The following EXPH5 variants were observed in gnomAD, a reference collection of about 807,000 sequenced individuals.
EXPH5 encodes exophilin-5.
A neutral mutation model predicts 41.1 loss-of-function variants in EXPH5; 42 were observed. The ratio of observed to expected loss-of-function variants is 1.02; its 90% CI spans 0.80 to 1.32. EXPH5 has a LOEUF of 1.32. EXPH5 is among the 40% of genes most tolerant of loss of function. The probability of loss-of-function intolerance (pLI) is 0.00; values close to 1 mark genes in which losing one functional copy is unlikely to be tolerated. For synonymous variants in EXPH5, 798 were observed against 833.5 expected (o/e 0.96, Z 0.73); for missense variants, 2,298 against 2,314.5 (o/e 0.99, Z 0.15).
At chr11:108,532,808 A>T (rs1013665703) in intron 3 of EXPH5, among the ~76,000 whole-genome samples, 1 of 152,098 alleles carries the variant, frequency 6.6e-6, no homozygotes, top group East Asian at 1.9e-4. Flanking sequence ...CTTTGCCTGG[A>T]TGACTATCTC....
At chr11:108,575,628 T>C (rs927121710) in intron 1 of EXPH5, among the ~76,000 whole-genome samples, 1 of 152,242 alleles carries the variant, frequency 6.6e-6, no homozygotes, top group Non-Finnish European at 1.5e-5. Flanking sequence ...ATTTTTATGT[T>C]ATGATGTTCA....
chr11:108,587,110 A>ATTTTC (rs915864830), intron 1 of EXPH5, among the ~76,000 whole-genome samples: 1 of 124,114 alleles, frequency 8.1e-6, no homozygotes, highest in Non-Finnish European at 1.9e-5. Context: ...GAAGGAAAGC[A>ATTTTC]TTTTCTTTTC....
At chr11:108,562,370 T>C (rs2094016503) in intron 1 of EXPH5, among the ~76,000 whole-genome samples, 1 of 147,704 alleles carries the variant, frequency 6.8e-6, no homozygotes, top group African/African-American at 2.5e-5. Context: ...AGGTGGTGGA[T>C]CACTTGAGGT....
In EXPH5 at chr11:108,551,299, C is replaced by T. The variant is rs147318465; in HGVS notation, c.120-9487G>A. ...TGATACAAACTTACAGTGACTTTTG[C>T]CAATTAAACAGGCAGTAATGAGAAT... On this transcript the variant is annotated intron_variant, in intron 1 of 5. Transcript: ENST00000265843. Among the ~76,000 whole-genome samples the T allele has an allele frequency of 6.2e-4, 95 of 152,232 alleles. 2 individuals carry two copies. The South Asian group carries it at 0.011, about 18-fold the overall frequency.
rs552820124 is a variant in EXPH5, at chr11:108,559,644, T to A, written c.120-17832A>T. On this transcript the variant is annotated intron_variant, in intron 1 of 5. Transcript: ENST00000265843. Reference sequence around the variant, plus strand: ...ATAGAATGGTACACATGAATATGCATCTCTCCTTCATTTTCATTAATAAGA... The same window carrying A: ...ATAGAATGGTACACATGAATATGCAACTCTCCTTCATTTTCATTAATAAGA... 1.2e-4 allele frequency among the ~76,000 whole-genome samples: 18 copies of A among 152,342 alleles called. 1 individual carries two copies. The South Asian group carries it at 3.1e-3, about 26-fold the overall frequency.
chr11:108,534,420 G>A (rs1244494699), intron 3 of EXPH5, among the ~76,000 whole-genome samples: 1 of 152,182 alleles, frequency 6.6e-6, no homozygotes, highest in African/African-American at 2.4e-5. Flanking sequence ...AGGCCCGTGT[G>A]TTGTGGCCTC....
chr11:108,569,038 C>A (rs1400023356), intron 1 of EXPH5, among the ~76,000 whole-genome samples: 1 of 152,128 alleles, frequency 6.6e-6, no homozygotes, highest in African/African-American at 2.4e-5. Context: ...GCCACCCCAG[C>A]TCACTCTTTT....
chr11:108,588,044 C>T lies in EXPH5; in HGVS notation c.119+5374G>A, dbSNP rs185258172. On this transcript the variant is annotated intron_variant, in intron 1 of 5. Coordinates refer to ENST00000265843, the MANE Select transcript of EXPH5 (RefSeq NM_015065.3). ...CTGGGATTACAGGCGTGAGCCACAG[C>T]ACCTGGCCCTATTTTTAATAACATA... Among the ~76,000 whole-genome samples the T allele has an allele frequency of 4.4e-3, 666 of 152,290 alleles. 1 individual carries two copies. The highest frequency in any genetic ancestry group is 8.0e-3 in the Non-Finnish European group (544 of 68,034).
chr11:108,512,737 TTTC>T lies in EXPH5; in HGVS notation c.2767_2769del (p.Glu923del). 1 of 1,613,774 alleles carries T rather than the reference TTTC, an allele frequency of 6.2e-7. No homozygotes were observed. The highest frequency in any genetic ancestry group is 1.1e-5 in the South Asian group (1 of 90,948). On this transcript the variant is annotated inframe_deletion, in exon 6 of 6. Transcript: ENST00000265843. ...TTTTGGTTCTTCCCAGCATTGTCTTTTTCTTCTCTTTCTCCTAGCGATGGATCT... is the reference window on the plus strand; with the variant it reads ...TTTTGGTTCTTCCCAGCATTGTCTTTTTCTCTTTCTCCTAGCGATGGATCT...
rs1288505708 is a variant in EXPH5 at position 108,566,905 on chromosome 11, T to G, written c.120-25093A>C. 2.6e-5 allele frequency among the ~76,000 whole-genome samples: 4 copies of G among 152,244 alleles called. No individual in the cohort carries two copies. In the East Asian group the frequency reaches 7.7e-4, roughly 29 times the overall value. ...AACACAGATAGCACCAACACACCAC[T>G]GCGTTGTCACTCCCTGACACAACCT... On this transcript the variant is annotated intron_variant, in intron 1 of 5. Transcript: ENST00000265843.
Position 108,575,488 on chromosome 11 carries a change from C to A in EXPH5, c.119+17930G>T, listed in dbSNP as rs115262933. ...TGTTACTTAATGTAGCAATAAGAAA[C>A]AAATAGAATAAGAAAACACTAAAGT... On this transcript the variant is annotated intron_variant, in intron 1 of 5. Transcript: ENST00000265843. 8.1e-3 allele frequency among the ~76,000 whole-genome samples: 1,239 copies of A among 152,118 alleles called. 16 individuals are homozygous for A. The highest frequency in any genetic ancestry group is 0.028 in the African/African-American group (1,163 of 41,482).
intron 1 of EXPH5, among the ~76,000 whole-genome samples, chr11:108,561,855 G>T (rs2094013056): frequency 6.6e-6 from 1 of 152,202 alleles, no homozygotes; most frequent in Non-Finnish European, 1.5e-5. Context: ...ATGGGGCAGA[G>T]AGGAAACTTG....
intron 1 of EXPH5, among the ~76,000 whole-genome samples, chr11:108,580,962 A>G (rs571827170): frequency 4.6e-5 from 7 of 152,268 alleles, no homozygotes; most frequent in Non-Finnish European, 1.0e-4. Context: ...GCTAGAGAGG[A>G]GGAATAAGTT....
rs551605801 is a variant in EXPH5 at position 108,568,231 on chromosome 11, A to G, written c.119+25187T>C. ...TTGGCCTTAATTATTTTTGCTTAGA[A>G]TAGGAGAGATAAAGCTCCTGACTGA... is the stretch of plus-strand genomic sequence containing the variant. On this transcript the variant is annotated intron_variant, in intron 1 of 5. Transcript: ENST00000265843. 11 of 151,856 alleles carry G rather than the reference A, an allele frequency of 7.2e-5. No homozygotes were observed. In the East Asian group the frequency reaches 2.1e-3, roughly 29 times the overall value. 9.4% of individuals were successfully genotyped at this position (151,856 alleles called of 1,614,324 possible). A position where few individuals can be genotyped will look rare whatever the true frequency, so the allele number is the denominator to read the frequency against.
rs1024384240 is a variant in EXPH5 at position 108,593,530 on chromosome 11, T to C, written c.7A>G (p.Lys3Glu). The C allele has an allele frequency of 1.2e-6, 2 of 1,614,222 alleles. No individual in the cohort carries two copies. Among genetic ancestry groups the C allele is most frequent in the Non-Finnish European group, 1.7e-6 (2 of 1,180,030 alleles). The change falls in exon 1 of 6, where the codon AAA becomes GAA. Residue 3 changes from lysine to glutamate, a missense_variant. Physicochemically the swap from Lys to Glu is moderately conservative, Grantham distance 56. Transcript: ENST00000265843. MTKVPPAFDFSFL... is the reference protein window; with the variant it reads MTEVPPAFDFSFL... ...CTGAAATCAAACGCCGGAGGAACTT[T>C]CGTCATTTTCTTTACTGTGTGTGAG... is the stretch of plus-strand genomic sequence containing the variant.
the EXPH5 span, among the ~76,000 whole-genome samples, chr11:108,602,650 G>A: frequency 1.2e-4 from 18 of 151,954 alleles, no homozygotes; most frequent in South Asian, 2.9e-3. Flanking sequence ...GGGCTCAAGC[G>A]AGTCTACCAT....
At chr11:108,545,903 A>G (rs2093936123) in intron 1 of EXPH5, among the ~76,000 whole-genome samples, 1 of 148,406 alleles carries the variant, frequency 6.7e-6, no homozygotes, top group Non-Finnish European at 1.5e-5. Flanking sequence ...ATTTTGTCTA[A>G]AAAAAAAAAC....
Position 108,513,585 on chromosome 11 carries a change from G to A in EXPH5, c.1922C>T (p.Pro641Leu), listed in dbSNP as rs757643237. ...GGGATTCTGCAAGTTGGGACTCTGA[G>A]GATTCCTTCTGTCATCAGAAATCTG... The part of the protein sequence containing the change: ...FSQISDDRRN[P>L]QSPNLQNPTV... The change falls in exon 6 of 6, where the codon CCT becomes CTT. Residue 641 changes from proline (P) to leucine (L), a missense_variant. Pro to Leu is a moderately conservative substitution (Grantham distance 98, BLOSUM62 -3). Transcript: ENST00000265843. 3.1e-6 allele frequency: 5 copies of A among 1,614,034 alleles called. No homozygotes were observed. In the Admixed American group the frequency reaches 6.7e-5, roughly 22 times the overall value.
chr11:108,508,217 T>G lies in EXPH5; in HGVS notation c.*1320A>C, dbSNP rs1208368266. 3.3e-5 allele frequency: 5 copies of G among 151,424 alleles called. No individual in the cohort carries two copies. Among genetic ancestry groups the G allele is most frequent in the Non-Finnish European group, 4.4e-5 (3 of 68,440 alleles). The allele number at this position is 151,424 out of a possible 1,614,324, so 9.4% of individuals were successfully genotyped here. A position where few individuals can be genotyped will look rare whatever the true frequency, so the allele number is the denominator to read the frequency against. On this transcript the variant is annotated 3_prime_UTR_variant, in exon 6 of 6. Coordinates refer to ENST00000265843, the MANE Select transcript of EXPH5 (RefSeq NM_015065.3). ...AAAACAAAACAAAACAAAAAAAGAC[T>G]GGGCATGGTAGCTCATGCCTGTAAT... is the stretch of plus-strand genomic sequence containing the variant.
Sources: allele counts gnomAD v4.1 joint callset (sites outside exome capture counted in the v4.1 genomes callset), GRCh38; gene constraint gnomAD v4.1.1; transcripts MANE v1.5; gene names NCBI Gene and HGNC (gene_info 2026-07-23, HGNC 2026-07-21).